The following ELAVL1 variants were observed in gnomAD, a reference collection of about 807,000 sequenced individuals.
ELAVL1 encodes ELAV like RNA binding protein 1, also known as ELAV-like protein 1.
A neutral mutation model predicts 28.4 loss-of-function variants in ELAVL1; 1 was observed. That is an observed-to-expected ratio of 0.04 (90% confidence interval 0.01 to 0.17). ELAVL1 has a LOEUF of 0.17. Among genes scored for constraint, ELAVL1 ranks in the 10% least tolerant of loss-of-function variants. The pLI is 1.00. For synonymous variants in ELAVL1, 174 were observed against 183.5 expected, an observed-to-expected ratio of 0.95 and a Z score of 0.42; for missense variants, 157 against 447.2, an observed-to-expected ratio of 0.35 and a Z score of 5.85.
chr19:7,997,734 G>A (rs985812582), intron 1 of ELAVL1, among the ~76,000 whole-genome samples: 1 of 151,518 alleles, frequency 6.6e-6, no homozygotes, highest in Non-Finnish European at 1.5e-5. Context: ...TAAGCCTGGA[G>A]TTCAAGACCA....
chr19:8,003,834 T>C (rs2081077850), intron 1 of ELAVL1, among the ~76,000 whole-genome samples: 1 of 152,202 alleles, frequency 6.6e-6, no homozygotes. Context: ...TCTCAACCTC[T>C]TTGTGGGCCT....
chr19:7,974,455 G>C (rs1354433168), intron 3 of ELAVL1, among the ~76,000 whole-genome samples: 1 of 152,242 alleles, frequency 6.6e-6, no homozygotes, highest in Non-Finnish European at 1.5e-5. Flanking sequence ...AGAACCTTCT[G>C]GGTGCTTTGA....
At chr19:7,999,556 C>A (rs2081060506) in intron 1 of ELAVL1, among the ~76,000 whole-genome samples, 1 of 152,156 alleles carries the variant, frequency 6.6e-6, no homozygotes, top group South Asian at 2.1e-4. Flanking sequence ...ATACCATTGC[C>A]ATCTAAGAGT....
At chr19:7,992,537 A>T (rs1294921765) in intron 1 of ELAVL1, among the ~76,000 whole-genome samples, 1 of 152,196 alleles carries the variant, frequency 6.6e-6, no homozygotes, top group Non-Finnish European at 1.5e-5. Context: ...CTTCTGGAAG[A>T]GGCACACTAC....
At chr19:7,971,753 G>C (rs1384114215) in intron 4 of ELAVL1, among the ~76,000 whole-genome samples, 1 of 152,234 alleles carries the variant, frequency 6.6e-6, no homozygotes, top group East Asian at 1.9e-4. Context: ...GTGCAAAGGG[G>C]CCCTTCCCCT....
chr19:7,968,159 C>T (rs950834576), intron 4 of ELAVL1, among the ~76,000 whole-genome samples: 2 of 152,138 alleles, frequency 1.3e-5, no homozygotes, highest in African/African-American at 4.8e-5. Context: ...AGAGTGGGTG[C>T]GTGGGTGTGG....
At position 7,971,482 on chromosome 19, in the gene ELAVL1, G is replaced by C. The variant is rs1481550474; in HGVS notation, c.430+2243C>G. 5.9e-5 allele frequency among the ~76,000 whole-genome samples: 9 copies of C among 152,350 alleles called. No homozygotes were observed. The South Asian group carries it at 1.9e-3, about 32-fold the overall frequency. On this transcript the variant is annotated intron_variant, in intron 4 of 5. Transcript: ENST00000407627. ...TCAGATGCCCCAGTGCAGAATGGGG[G>C]GCAATAAACCCACACACTGGCCCAC...
intron 1 of ELAVL1, among the ~76,000 whole-genome samples, chr19:8,001,496 C>A (rs756359214): frequency 1.3e-4 from 20 of 152,194 alleles, no homozygotes; most frequent in Non-Finnish European, 2.4e-4. Flanking sequence ...GCTTCATCTT[C>A]TTCCTCCTAG....
intron 2 of ELAVL1, among the ~76,000 whole-genome samples, chr19:7,988,278 G>A (rs1337335044): frequency 1.3e-5 from 2 of 152,186 alleles, no homozygotes; most frequent in Admixed American, 6.5e-5. Context: ...TTAAGGGGCC[G>A]AGGGCTTCTG....
rs1284080832 is a variant in ELAVL1 at position 7,961,203 on chromosome 19, T to C, written c.*2280A>G. The C allele has an allele frequency of 3.3e-5, 5 of 152,372 alleles. No individual in the cohort carries two copies. The East Asian group carries it at 7.7e-4, about 23-fold the overall frequency. The allele number at this position is 152,372 out of a possible 1,614,324, so 9.4% of individuals were successfully genotyped here. A position where few individuals can be genotyped will look rare whatever the true frequency, so the allele number is the denominator to read the frequency against. On this transcript the variant is annotated 3_prime_UTR_variant, in exon 6 of 6. Transcript: ENST00000407627. Reference sequence around the variant, plus strand: ...CTGAGGTGCTACAAGCCCGTCATCATTTTCACAGTTGAAGCTTAAGACAGA... The same window carrying C: ...CTGAGGTGCTACAAGCCCGTCATCACTTTCACAGTTGAAGCTTAAGACAGA...
chr19:7,967,383 A>T (rs1173701769), intron 5 of ELAVL1, among the ~76,000 whole-genome samples, 182 bp downstream of exon 5: 1 of 152,216 alleles, frequency 6.6e-6, no homozygotes, highest in East Asian at 1.9e-4. Context: ...AATCGGAAGT[A>T]AACGGCTTTC....
intron 4 of ELAVL1, among the ~76,000 whole-genome samples, chr19:7,971,293 C>T (rs561407249): frequency 3.3e-5 from 5 of 152,194 alleles, no homozygotes; most frequent in Non-Finnish European, 7.4e-5. Context: ...GGCATGTTCT[C>T]AGGCATTGGG....
At chr19:7,990,291 G>A (rs1404152951) in intron 2 of ELAVL1, among the ~76,000 whole-genome samples, 1 of 151,808 alleles carries the variant, frequency 6.6e-6, no homozygotes, top group Non-Finnish European at 1.5e-5. Context: ...CAAAGTGCTG[G>A]GATTATAGGC....
At chr19:7,999,778 T>C (rs1361132902) in intron 1 of ELAVL1, among the ~76,000 whole-genome samples, 1 of 151,944 alleles carries the variant, frequency 6.6e-6, no homozygotes, top group Non-Finnish European at 1.5e-5. Context: ...CTGTCTAAGC[T>C]TTTTTATGTT....
At chr19:7,993,328 G>C (rs1192627608) in intron 1 of ELAVL1, among the ~76,000 whole-genome samples, 1 of 152,124 alleles carries the variant, frequency 6.6e-6, no homozygotes, top group Admixed American at 6.6e-5. Context: ...TTCTCCCCAT[G>C]TCCAGAGCCT....
intron 3 of ELAVL1, among the ~76,000 whole-genome samples, chr19:7,974,734 A>G (rs1391795866): frequency 6.6e-6 from 1 of 152,144 alleles, no homozygotes; most frequent in Non-Finnish European, 1.5e-5. Flanking sequence ...ACCTGTGCGA[A>G]AGGAAGTTCA....
rs1028610195 is a variant in ELAVL1, at chr19:7,980,464, T to C, written c.276+619A>G. On this transcript the variant is annotated intron_variant, in intron 3 of 5. Coordinates refer to ENST00000407627, the MANE Select transcript of ELAVL1 (RefSeq NM_001419.3). ...GTGCACGAGAGCGCGGGTCAGATGA[T>C]GAGGACAGAGGAAATCCATCTGTGT... 3.9e-5 allele frequency among the ~76,000 whole-genome samples: 6 copies of C among 152,186 alleles called. No individual in the cohort carries two copies. The South Asian group carries it at 6.2e-4, about 16-fold the overall frequency.
chr19:7,998,681 CTT>C (rs915011864), intron 1 of ELAVL1, among the ~76,000 whole-genome samples: 2 of 152,092 alleles, frequency 1.3e-5, no homozygotes, highest in African/African-American at 4.8e-5. Context: ...GGGGGTCTCT[CTT>C]TGTTGCCCAG....
chr19:7,972,294 G>A (rs1048123179), intron 4 of ELAVL1, among the ~76,000 whole-genome samples: 3 of 152,194 alleles, frequency 2.0e-5, no homozygotes, highest in African/African-American at 7.2e-5. Context: ...GATGTGGTGG[G>A]GCACTAGTTC....
Sources: allele counts gnomAD v4.1 joint callset (sites outside exome capture counted in the v4.1 genomes callset), GRCh38; gene constraint gnomAD v4.1.1; transcripts MANE v1.5; gene names NCBI Gene and HGNC (gene_info 2026-07-23, HGNC 2026-07-21).